Variants in PFKFB2 observed in about 807,000 individuals in gnomAD.
PFKFB2 encodes 6-phosphofructo-2-kinase/fructose-2,6-biphosphatase 2, also known as 6-phosphofructo-2-kinase/fructose-2,6-bisphosphatase 2.
A neutral mutation model predicts 68.0 loss-of-function variants in PFKFB2; 53 were observed. The ratio of observed to expected loss-of-function variants is 0.78; its 90% CI spans 0.63 to 0.98. PFKFB2 has a LOEUF of 0.98. PFKFB2 is among the 50% of genes least tolerant of loss of function. The pLI is 0.00. For missense variants in PFKFB2, 451 were observed against 642.0 expected, an observed-to-expected ratio of 0.70 and a Z score of 3.22; for synonymous variants, 222 against 227.6, an observed-to-expected ratio of 0.98 and a Z score of 0.22.
rs376081486 is a variant in PFKFB2, at chr1:207,065,047, A to G, written c.519A>G (p.Val173=). 9.3e-6 allele frequency: 15 copies of G among 1,613,844 alleles called. No homozygotes were observed. Among genetic ancestry groups the G allele is most frequent in the African/African-American group, 6.7e-5 (5 of 74,890 alleles). The change falls in exon 8 of 15, where the codon GTA becomes GTG. Residue 173 remains valine, a synonymous_variant. Transcript: ENST00000367080. ...VIAANILEVK[V]SSPDYPERNR... ...TCCTATGATTTCAGGAGGTTAAGGT[A>G]TCAAGCCCTGACTATCCTGAAAGGA...
At chr1:207,039,787 T>C (rs1258112182) in intron 1 of PFKFB2, among the ~76,000 whole-genome samples, 1 of 151,968 alleles carries the variant, frequency 6.6e-6, no homozygotes, top group Non-Finnish European at 1.5e-5. Context: ...AAAAAGATAG[T>C]GAAGAATTTG....
downstream of PFKFB2, chr1:207,079,380 A>T: frequency 3.5e-6 from 1 of 289,274 alleles, no homozygotes; most frequent in Non-Finnish European, 6.6e-6. Flanking sequence ...CCAAAGTGCA[A>T]ATGCACTTCT....
Position 207,067,495 on chromosome 1 carries a change from C to T in PFKFB2, c.633-4C>T, listed in dbSNP as rs778106956. 6.2e-7 allele frequency: 1 copy of T among 1,608,544 alleles called. No homozygotes were observed. Among genetic ancestry groups the T allele is most frequent in the South Asian group, 1.1e-5 (1 of 90,642 alleles). On this transcript the variant is annotated splice_polypyrimidine_tract_variant and splice_region_variant and intron_variant, in intron 8 of 14. Transcript: ENST00000367080. ...GGAATTTTTTTTTTCCTTTCCTGTC[C>T]CAGGGATCTTTCTTTCATCAAGGTG...
chr1:207,069,162 C>G (rs951460217), intron 10 of PFKFB2, among the ~76,000 whole-genome samples: 16 of 152,180 alleles, frequency 1.1e-4, no homozygotes, highest in Middle Eastern at 3.4e-3. Flanking sequence ...CTTTCTTGAC[C>G]TGTAAGTTCC....
intron 2 of PFKFB2, chr1:207,045,923 C>G (rs143371487): frequency 5.5e-4 from 84 of 152,176 alleles, no homozygotes; most frequent in African/African-American, 2.0e-3. Flanking sequence ...TACCACTTGA[C>G]TATGCTAATT....
At chr1:207,058,645 G>C (rs532342978) in intron 2 of PFKFB2, among the ~76,000 whole-genome samples, 2 of 151,924 alleles carry the variant, frequency 1.3e-5, no homozygotes, top group African/African-American at 4.8e-5. Flanking sequence ...TTGAGACCGG[G>C]TTATGAGACT....
intron 2 of PFKFB2, among the ~76,000 whole-genome samples, chr1:207,056,588 T>A (rs1682928390): frequency 6.6e-6 from 1 of 152,024 alleles, no homozygotes; most frequent in South Asian, 2.1e-4. Flanking sequence ...CCTTGAGGGC[T>A]TTCAAGTCAG....
In PFKFB2 at chr1:207,074,611, C is replaced by T. The variant is rs778744678; in HGVS notation, c.*2240C>T. ...ACCTAGATTCTTCTCAAAATTGTGTCCAAGATGTTAAGTAACCTGCTATTC... is the reference window on the plus strand; with the variant it reads ...ACCTAGATTCTTCTCAAAATTGTGTTCAAGATGTTAAGTAACCTGCTATTC... On this transcript the variant is annotated 3_prime_UTR_variant, in exon 15 of 15. Coordinates refer to ENST00000367080, the MANE Select transcript of PFKFB2 (RefSeq NM_006212.2). The T allele has an allele frequency of 2.1e-5, 21 of 985,222 alleles. No individual in the cohort carries two copies. Among genetic ancestry groups the T allele is most frequent in the Non-Finnish European group, 2.4e-5 (20 of 829,922 alleles). 61.0% of individuals were successfully genotyped at this position (985,222 alleles called of 1,614,324 possible).
chr1:207,068,451 C>CG, intron 10 of PFKFB2, 142 bp downstream of exon 10: 1 of 595,796 alleles, frequency 1.7e-6, no homozygotes, highest in Non-Finnish European at 2.6e-6. Flanking sequence ...ATGGCCAGCC[C>CG]GGGGGATCAG....
At chr1:207,042,440 T>C (rs571911979) in intron 2 of PFKFB2, among the ~76,000 whole-genome samples, 1 of 147,746 alleles carries the variant, frequency 6.8e-6, no homozygotes, top group South Asian at 2.2e-4. Context: ...CCCAGCTACT[T>C]GGGAGGCTGA....
rs1683565086 is a variant in PFKFB2 at position 207,074,459 on chromosome 1, C to A, written c.*2088C>A. The A allele has an allele frequency of 2.0e-6, 2 of 985,186 alleles. No homozygotes were observed. The highest frequency in any genetic ancestry group is 6.2e-5 in the Admixed American group (1 of 16,250). 61.0% of individuals were successfully genotyped at this position (985,186 alleles called of 1,614,324 possible). On this transcript the variant is annotated 3_prime_UTR_variant, in exon 15 of 15. Transcript: ENST00000367080. ...GAGAGCAGCTGGGGATTTTAAGCAC[C>A]CTGGAGAGAGGTGCAGACCCTGCCA...
At chr1:207,067,438 T>A in intron 8 of PFKFB2, 61 bp from the exon 9 acceptor site, 1 of 1,235,046 alleles carries the variant, frequency 8.1e-7, no homozygotes. Context: ...TCCTTTTCCC[T>A]CTGATTCTTA....
At position 207,068,213 on chromosome 1, in the gene PFKFB2, CAA is replaced by C; in HGVS notation, c.893_894del (p.Lys298SerfsTer14). 6.2e-7 allele frequency: 1 copy of C among 1,612,912 alleles called. No homozygotes were observed. Among genetic ancestry groups the C allele is most frequent in the Non-Finnish European group, 8.5e-7 (1 of 1,179,570 alleles). On this transcript the variant is annotated frameshift_variant, in exon 10 of 15. Coordinates refer to ENST00000367080, the MANE Select transcript of PFKFB2 (RefSeq NM_006212.2). LOFTEE classifies it high-confidence loss of function. Reference sequence around the variant, plus strand: ...TGGAGGAACAGGAAATAACAGACCTCAAAGTGTGGACAAGCCAGTTGAAGAGG... The same window carrying C: ...TGGAGGAACAGGAAATAACAGACCTCAGTGTGGACAAGCCAGTTGAAGAGG... The part of the protein sequence containing the change: ...FLEEQEITDL[K>X]VWTSQLKRTI...
rs777367116 is a variant in PFKFB2 at position 207,077,072 on chromosome 1, T to A, written c.*4701T>A. ...TAAAGGTTATGCATCACTTTTATGG[T>A]ATTTTGTGAACTCAGCTAAGGGAAT... is the stretch of plus-strand genomic sequence containing the variant. On this transcript the variant is annotated 3_prime_UTR_variant, in exon 15 of 15. Transcript: ENST00000367080. 3 of 985,216 alleles carry A rather than the reference T, an allele frequency of 3.0e-6. No individual in the cohort carries two copies. The South Asian group carries it at 1.4e-4, about 46-fold the overall frequency. 61.0% of individuals were successfully genotyped at this position (985,216 alleles called of 1,614,324 possible).
In PFKFB2 at chr1:207,062,735, C is replaced by T. The variant is rs748370625; in HGVS notation, c.308+19C>T. ...TCCGCAAGTGAGTCTTGTTTAAGGC[C>T]TGATCTCCAGGTCAGCTCTTTCTTG... On this transcript the variant is annotated intron_variant, in intron 4 of 14. Transcript: ENST00000367080. 6.2e-7 allele frequency: 1 copy of T among 1,609,488 alleles called. No individual in the cohort carries two copies. Among genetic ancestry groups the T allele is most frequent in the South Asian group, 1.1e-5 (1 of 90,508 alleles).
chr1:207,047,263 A>T (rs1682622958), intron 2 of PFKFB2: 1 of 152,568 alleles, frequency 6.6e-6, no homozygotes, highest in South Asian at 2.1e-4. Flanking sequence ...ATAACAGCTT[A>T]TATTGTCTAA....
At chr1:207,036,997 A>G (rs1682389296) in intron 1 of PFKFB2, among the ~76,000 whole-genome samples, 1 of 152,178 alleles carries the variant, frequency 6.6e-6, no homozygotes, top group Admixed American at 6.5e-5. Context: ...TTCCATTACT[A>G]TCATTTTACT....
chr1:207,074,251 A>G lies in PFKFB2; in HGVS notation c.*1880A>G, dbSNP rs1683557628. 1 of 985,106 alleles carries G rather than the reference A, an allele frequency of 1.0e-6. No individual in the cohort carries two copies. The highest frequency in any genetic ancestry group is 1.2e-6 in the Non-Finnish European group (1 of 829,596). 61.0% of individuals were successfully genotyped at this position (985,106 alleles called of 1,614,324 possible). A position where few individuals can be genotyped will look rare whatever the true frequency, so the allele number is the denominator to read the frequency against. Reference sequence around the variant, plus strand: ...TCAGCCTAGGAATTCTGAATTCCTCATAGTCCTGAAAGGACAGTTCTTTGG... The same window carrying G: ...TCAGCCTAGGAATTCTGAATTCCTCGTAGTCCTGAAAGGACAGTTCTTTGG... On this transcript the variant is annotated 3_prime_UTR_variant, in exon 15 of 15. Coordinates refer to ENST00000367080, the MANE Select transcript of PFKFB2 (RefSeq NM_006212.2).
At chr1:207,052,236 C>A, upstream of PFKFB2, 1 of 1,611,746 alleles carries the variant, frequency 6.2e-7, no homozygotes. Context: ...ATGTTTCCAT[C>A]TTTTCACATC....
Sources: allele counts gnomAD v4.1 joint callset (sites outside exome capture counted in the v4.1 genomes callset), GRCh38; gene constraint gnomAD v4.1.1; transcripts MANE v1.5; gene names NCBI Gene and HGNC (gene_info 2026-07-23, HGNC 2026-07-21).